PASK: variants seen among roughly 807,000 people sequenced by gnomAD.
The protein encoded by PASK is PAS domain-containing serine/threonine-protein kinase.
In PASK, 110 loss-of-function variants were observed where a neutral mutation model predicts 121.0. The observed-to-expected ratio is 0.91, with a 90% CI of 0.78 to 1.06. The LOEUF (loss-of-function observed/expected upper bound fraction) is 1.06, where lower values mean the gene tolerates loss of function less well. PASK is among the 50% of genes least tolerant of loss of function. PASK has a pLI of 0.00. For missense variants in PASK, 1,643 were observed against 1,702.3 expected (o/e 0.97, Z 0.61); for synonymous variants, 686 against 717.8 (o/e 0.96, Z 0.71).
chr2:241,137,317 A>C, intron 6 of PASK, 53 bp from the exon 7 acceptor site: 2 of 1,515,982 alleles, frequency 1.3e-6, no homozygotes, highest in Non-Finnish European at 1.8e-6. Flanking sequence ...TGGACAGAGC[A>C]CTGAGTCTGT....
In PASK at chr2:241,132,527, T is replaced by TAAAA. The variant is rs71049553; in HGVS notation, c.1463+343_1463+346dup. Among the ~76,000 whole-genome samples, 125 of 39,524 alleles carry TAAAA rather than the reference T, an allele frequency of 3.2e-3. 4 individuals are homozygous for TAAAA. Among genetic ancestry groups the TAAAA allele is most frequent in the African/African-American group, 0.01 (104 of 9,964 alleles). The allele number at this position is 39,524 out of a possible 152,430, so 25.9% of individuals were successfully genotyped here. ...CTGGGTGACACAGCGAGACTCTGTC[T>TAAAA]AAAAAAAAAAAAAAAAAAAAAAAAA... On this transcript the variant is annotated intron_variant, in intron 9 of 17. Transcript: ENST00000234040.
intron 14 of PASK, chr2:241,114,702 T>A: frequency 7.6e-7 from 1 of 1,316,742 alleles, no homozygotes; most frequent in Non-Finnish European, 9.7e-7. Context: ...GCCGCACACA[T>A]GCCTTTGAGA....
intron 10 of PASK, among the ~76,000 whole-genome samples, chr2:241,124,667 C>A (rs990553751): frequency 1.3e-5 from 2 of 152,252 alleles, no homozygotes; most frequent in African/African-American, 4.8e-5. Context: ...TAGCTATACA[C>A]CAACATAAGT....
intron 12 of PASK, among the ~76,000 whole-genome samples, chr2:241,120,890 T>C (rs577255218): frequency 5.9e-5 from 9 of 152,350 alleles, no homozygotes; most frequent in African/African-American, 2.2e-4. Context: ...AGAAGCATTA[T>C]TCCTAATGGC....
intron 14 of PASK, chr2:241,114,394 T>A: frequency 1.0e-6 from 1 of 986,574 alleles, no homozygotes; most frequent in Non-Finnish European, 1.2e-6. Context: ...TTTGCTGGTA[T>A]TTCTCCAGTT....
chr2:241,139,254 T>C (rs2066588365), intron 4 of PASK, among the ~76,000 whole-genome samples: 1 of 152,212 alleles, frequency 6.6e-6, no homozygotes, highest in Non-Finnish European at 1.5e-5. Context: ...AGGATCTGGA[T>C]GACTACTAGA....
chr2:241,139,495 C>A, intron 4 of PASK: 1 of 482,446 alleles, frequency 2.1e-6, no homozygotes, highest in Non-Finnish European at 4.3e-6. Context: ...CACCCCCGCC[C>A]GCTCCCACAA....
At position 241,144,869 on chromosome 2, in the gene PASK, G is replaced by A. The variant is rs560903693; in HGVS notation, c.-42-1795C>T. On this transcript the variant is annotated intron_variant, in intron 1 of 17. Coordinates refer to ENST00000234040, the MANE Select transcript of PASK (RefSeq NM_015148.4). ...TTTGGTGTTCTTGACCTGCAGCTGC[G>A]TCACTCCAGTCTCCGCCTTCGCCAT... Among the ~76,000 whole-genome samples, 8 of 152,282 alleles carry A rather than the reference G, an allele frequency of 5.3e-5. No homozygotes were observed. In the East Asian group the frequency reaches 1.2e-3, roughly 22 times the overall value.
chr2:241,149,870 G>A (rs1575369674), upstream of PASK: 4 of 1,454,824 alleles, frequency 2.7e-6, no homozygotes, highest in East Asian at 2.6e-5. Flanking sequence ...GCGCCCCGGA[G>A]CCAGCCAGCT....
chr2:241,123,771 A>G (rs2065729538), intron 11 of PASK, among the ~76,000 whole-genome samples, 178 bp downstream of exon 11: 1 of 151,818 alleles, frequency 6.6e-6, no homozygotes, highest in Non-Finnish European at 1.5e-5. Context: ...TGAGCTGAGA[A>G]AGCACCATTG....
Position 241,108,085 on chromosome 2 carries a change from T to C in PASK, c.3667+82A>G. 1 of 1,290,912 alleles carries C rather than the reference T, an allele frequency of 7.7e-7. No homozygotes were observed. The highest frequency in any genetic ancestry group is 1.5e-5 in the African/African-American group (1 of 68,452). 80.0% of individuals were successfully genotyped at this position (1,290,912 alleles called of 1,614,324 possible). A position where few individuals can be genotyped will look rare whatever the true frequency, so the allele number is the denominator to read the frequency against. ...ACTGTTGATATGGACAGAGATACAC[T>C]GAGGAATGAGGAAATGGGAAAAAAA... On this transcript the variant is annotated intron_variant, in intron 16 of 17. Coordinates refer to ENST00000234040, the MANE Select transcript of PASK (RefSeq NM_015148.4). This position sits in a 1 kb window ranked among gnomAD's most constrained non-coding sequence, Gnocchi z 5.2.
intron 9 of PASK, 29 bp from the exon 10 acceptor site, chr2:241,127,480 T>C (rs2065926542): frequency 1.3e-6 from 2 of 1,571,030 alleles, no homozygotes; most frequent in African/African-American, 1.3e-5. Context: ...GTGACCATCA[T>C]GTAGGGCCAC....
At chr2:241,119,531 G>A (rs7593664) in intron 12 of PASK, among the ~76,000 whole-genome samples, 14 of 150,332 alleles carry the variant, frequency 9.3e-5, no homozygotes, top group African/African-American at 1.5e-4. Context: ...GTGCAGTGGC[G>A]CAATCTCGGC....
intron 1 of PASK, among the ~76,000 whole-genome samples, chr2:241,147,201 G>A (rs971612529): frequency 1.3e-5 from 2 of 152,088 alleles, no homozygotes; most frequent in Non-Finnish European, 2.9e-5. Flanking sequence ...CAAAGCTCAG[G>A]ACACTTAATT....
rs6709619 is a variant in PASK, at chr2:241,142,980, T to C, written c.53A>G (p.Gln18Arg). ...TGCTGACACTGGCAAGGGGAGGCTCTGGGAAAGGCATCTCTGGTCCTCTTC... is the reference window on the plus strand; with the variant it reads ...TGCTGACACTGGCAAGGGGAGGCTCCGGGAAAGGCATCTCTGGTCCTCTTC... The part of the protein sequence containing the change: ...AFEEDQRCLS[Q>R]SLPLPVSAEG... The change falls in exon 2 of 18, where the codon CAG becomes CGG. Residue 18 changes from glutamine (Q) to arginine (R), a missense_variant. Physicochemically the swap from Gln to Arg is conservative, Grantham distance 43 (BLOSUM62 1). This residue lies in a region of PASK where 1,176 missense variants were observed against 1,162.2 expected (regional missense o/e 1.01). Coordinates refer to ENST00000234040, the MANE Select transcript of PASK (RefSeq NM_015148.4). The C allele has an allele frequency of 1.5e-5, 25 of 1,614,056 alleles. No homozygotes were observed. In the African/African-American group the frequency reaches 2.4e-4, roughly 15 times the overall value.
rs13392516 is a variant in PASK, at chr2:241,140,647, C to T, written c.303G>A (p.Pro101=). Residue 101 remains proline, a synonymous_variant, in exon 3 of 18, where the codon CCG becomes CCA. Coordinates refer to ENST00000234040, the MANE Select transcript of PASK (RefSeq NM_015148.4). ...AAPEHTDPSE[P]RGSVSCCSLL... ...GGGAGCAGCAGGACACACTGCCCCG[C>T]GGTTCGGACGGGTCCGTGTGCTCAG... The T allele has an allele frequency of 2.3e-3, 3,715 of 1,613,946 alleles. 68 individuals are homozygous for T. In the African/African-American group the frequency reaches 0.041, roughly 18 times the overall value.
chr2:241,143,259 C>A (rs774050261), intron 1 of PASK, among the ~76,000 whole-genome samples, 185 bp from the exon 2 acceptor site: 1 of 152,146 alleles, frequency 6.6e-6, no homozygotes, highest in Non-Finnish European at 1.5e-5. Context: ...AAGCTCTTTC[C>A]GGGCCAGGCA....
chr2:241,132,997 T>A lies in PASK; in HGVS notation c.1340A>T (p.His447Leu). 3 of 1,614,122 alleles carry A rather than the reference T, an allele frequency of 1.9e-6. No individual in the cohort carries two copies. Among genetic ancestry groups the A allele is most frequent in the Non-Finnish European group, 2.5e-6 (3 of 1,180,002 alleles). ...CCGGATCTCATCTCGGGGCACAACG[T>A]GGCCACCAGCAAGCACGACATTAAT... ...PRINVVLAGG[H>L]VVPRDEIRKL... Residue 447 changes from histidine (H) to leucine (L), a missense_variant, in exon 9 of 18, where the codon CAC (histidine) becomes CTC (leucine). Transcript: ENST00000234040.
At chr2:241,109,853 T>C (rs1328305827) in intron 15 of PASK, 1 of 152,206 alleles carries the variant, frequency 6.6e-6, no homozygotes, top group East Asian at 1.9e-4. Flanking sequence ...AAATAGTAAA[T>C]ATTTCAGGTT....
Sources: gnomAD v4.1 joint callset for allele counts (sites outside exome capture counted in the v4.1 genomes callset) on GRCh38, gnomAD v4.1.1 for gene constraint, gnomAD v4.1.1 regional missense constraint, Gnocchi (gnomAD v3.1) non-coding constraint, MANE v1.5 for transcripts, NCBI Gene and HGNC (gene_info 2026-07-23, HGNC 2026-07-21) for gene names.